LPA: variants seen among roughly 807,000 people sequenced by gnomAD.
The protein encoded by LPA is apolipoprotein(a).
A neutral mutation model predicts 197.9 loss-of-function variants in LPA; 199 were observed. That is an observed-to-expected ratio of 1.01 (90% CI 0.90 to 1.13). The LOEUF (loss-of-function observed/expected upper bound fraction) is 1.13. Ranked by LOEUF, LPA falls within the 50% of genes most tolerant of loss-of-function variation. The pLI is 0.00. For synonymous variants in LPA, 715 were observed against 639.5 expected (o/e 1.12, Z -1.78); for missense variants, 1,853 against 1,785.8 (o/e 1.04, Z -0.68).
At chr6:160,575,395 A>T (rs1778637099) in intron 28 of LPA, among the ~76,000 whole-genome samples, 1 of 152,220 alleles carries the variant, frequency 6.6e-6, no homozygotes, top group Non-Finnish European at 1.5e-5. Context: ...TATGGATCAC[A>T]CTAAATGCTT....
chr6:160,578,376 G>T (rs1778724607), intron 27 of LPA, 147 bp downstream of exon 27: 3 of 972,732 alleles, frequency 3.1e-6, no homozygotes, highest in Non-Finnish European at 4.7e-6. Context: ...TCACAGTTCT[G>T]GATCCCCCAG....
At position 160,610,169 on chromosome 6, in the gene LPA, C is replaced by G. The variant is rs567253794; in HGVS notation, c.2603+1393G>C. Among the ~76,000 whole-genome samples the G allele has an allele frequency of 4.6e-5, 7 of 152,188 alleles. No individual in the cohort carries two copies. In the South Asian group the frequency reaches 1.0e-3, roughly 23 times the overall value. ...GTCATGGATCACACGAAATTCTTTT[C>G]TACACGTAGTCAAATTTTTAATTTA... On this transcript the variant is annotated intron_variant, in intron 16 of 38. Coordinates refer to ENST00000316300, the MANE Select transcript of LPA (RefSeq NM_005577.4).
chr6:160,592,574 G>A (rs1779050087), intron 22 of LPA, among the ~76,000 whole-genome samples: 1 of 152,164 alleles, frequency 6.6e-6, no homozygotes, highest in South Asian at 2.1e-4. Flanking sequence ...GGATCACAGT[G>A]AAAACTTCTT....
chr6:160,652,919 A>T (rs1451764269), intron 1 of LPA, among the ~76,000 whole-genome samples: 1 of 152,156 alleles, frequency 6.6e-6, no homozygotes, highest in Non-Finnish European at 1.5e-5. Context: ...TAATTTAATA[A>T]GTAAGTCGTG....
intron 1 of LPA, among the ~76,000 whole-genome samples, chr6:160,654,665 C>T (rs890986116): frequency 3.3e-5 from 5 of 152,036 alleles, no homozygotes; most frequent in Admixed American, 2.6e-4. Context: ...AAAGTTATTA[C>T]ATAAGGTTAA....
In LPA at chr6:160,537,898, G is replaced by A. The variant is rs375280420; in HGVS notation, c.5799C>T (p.Thr1933=). 1.5e-5 allele frequency: 24 copies of A among 1,614,102 alleles called. No individual in the cohort carries two copies. The highest frequency in any genetic ancestry group is 2.2e-5 in the East Asian group (1 of 44,898). ...ACLPSPDYMV[T]ARTECYITGW... ...CAGTGATGTAACATTCAGTCCTGGC[G>A]GTGACCATGTAGTCTGGGGATGGCA... Residue 1933 remains threonine (T), a synonymous_variant, in exon 37 of 39, where the codon ACC becomes ACT. Coordinates refer to ENST00000316300, the MANE Select transcript of LPA (RefSeq NM_005577.4).
At chr6:160,587,738 A>C (rs1562333078) in intron 24 of LPA, among the ~76,000 whole-genome samples, 2 of 145,190 alleles carry the variant, frequency 1.4e-5, no homozygotes. Context: ...CTGTTGATTA[A>C]TAGGTTCAGT....
chr6:160,581,335 T>A (rs769114708), intron 26 of LPA, among the ~76,000 whole-genome samples: 1 of 152,204 alleles, frequency 6.6e-6, no homozygotes, highest in Non-Finnish European at 1.5e-5. Flanking sequence ...GGTTTTAATC[T>A]GTCTCCCAGG....
At chr6:160,587,495 G>A (rs777366118) in intron 24 of LPA, among the ~76,000 whole-genome samples, 40 of 152,008 alleles carry the variant, frequency 2.6e-4, no homozygotes, top group East Asian at 3.9e-4. Flanking sequence ...TTGAATTGAG[G>A]CAACTTAACT....
chr6:160,606,758 C>A, intron 16 of LPA, 100 bp from the exon 17 acceptor site: 1 of 1,520,702 alleles, frequency 6.6e-7, no homozygotes, highest in Non-Finnish European at 9.1e-7. Context: ...TTACCAGTGC[C>A]TTTCTAATAT....
chr6:160,595,261 T>A, intron 21 of LPA, 93 bp downstream of exon 21: 1 of 1,479,050 alleles, frequency 6.8e-7, no homozygotes, highest in South Asian at 1.1e-5. Context: ...CTTGGAATTG[T>A]GTGAGCATGG....
At chr6:160,605,329 T>C in intron 17 of LPA, 124 bp from the exon 18 acceptor site, 3 of 1,164,862 alleles carry the variant, frequency 2.6e-6, no homozygotes, top group Non-Finnish European at 2.5e-6. Flanking sequence ...ATATGACAAG[T>C]AACATTCTTG....
At position 160,547,940 on chromosome 6, in the gene LPA, G is replaced by T; in HGVS notation, c.5156-3C>A. On this transcript the variant is annotated splice_region_variant and splice_polypyrimidine_tract_variant and intron_variant, in intron 31 of 38. Coordinates refer to ENST00000316300, the MANE Select transcript of LPA (RefSeq NM_005577.4). Reference sequence around the variant, plus strand: ...TTTCCCATTCCCAAACATACAGTCTGTAGAAAAAAATAAAAATAAAACAGA... The same window carrying T: ...TTTCCCATTCCCAAACATACAGTCTTTAGAAAAAAATAAAAATAAAACAGA... The T allele has an allele frequency of 6.2e-7, 1 of 1,613,732 alleles. No individual in the cohort carries two copies. The highest frequency in any genetic ancestry group is 8.5e-7 in the Non-Finnish European group (1 of 1,179,936).
intron 30 of LPA, among the ~76,000 whole-genome samples, chr6:160,548,901 T>C (rs992519056): frequency 3.9e-5 from 6 of 152,212 alleles, no homozygotes; most frequent in Non-Finnish European, 5.9e-5. Context: ...TATTAGCCCG[T>C]TCTCACATTG....
intron 23 of LPA, 23 bp downstream of exon 23, chr6:160,590,921 T>C (rs1779015492): frequency 6.2e-7 from 1 of 1,613,736 alleles, no homozygotes; most frequent in Non-Finnish European, 8.5e-7. Flanking sequence ...AAGGGTGTGG[T>C]TGTCTGGCCA....
intron 28 of LPA, among the ~76,000 whole-genome samples, chr6:160,570,350 C>G (rs1006257284): frequency 6.6e-6 from 1 of 152,118 alleles, no homozygotes; most frequent in African/African-American, 2.4e-5. Context: ...GTGGATGAAG[C>G]TGGAAACCAT....
chr6:160,553,583 T>C (rs1778200611), intron 30 of LPA, among the ~76,000 whole-genome samples: 1 of 152,246 alleles, frequency 6.6e-6, no homozygotes, highest in South Asian at 2.1e-4. Context: ...TTCATTACTG[T>C]CCCTCTATGT....
intron 1 of LPA, among the ~76,000 whole-genome samples, chr6:160,663,056 C>T (rs536395405): frequency 6.6e-6 from 1 of 152,344 alleles, no homozygotes; most frequent in South Asian, 2.1e-4. Context: ...CTAGCATGGA[C>T]CCCTGAATCC....
At chr6:160,537,669 G>A (rs555333084) in intron 37 of LPA, among the ~76,000 whole-genome samples, 186 bp downstream of exon 37, 35 of 152,146 alleles carry the variant, frequency 2.3e-4, no homozygotes, top group Non-Finnish European at 3.2e-4. Context: ...AAATGGCACC[G>A]CTCCCCTTGC....
Sources: allele counts gnomAD v4.1 joint callset (sites outside exome capture counted in the v4.1 genomes callset), GRCh38; gene constraint gnomAD v4.1.1; transcripts MANE v1.5; gene names NCBI Gene and HGNC (gene_info 2026-07-23, HGNC 2026-07-21).